Variants in CEP126 observed in about 807,000 individuals in gnomAD.
CEP126 encodes the protein centrosomal protein of 126 kDa.
In CEP126, 74 loss-of-function variants were observed where a neutral mutation model predicts 107.8. The ratio of observed to expected loss-of-function variants is 0.69; its 90% confidence interval spans 0.57 to 0.83. The LOEUF (loss-of-function observed/expected upper bound fraction) is 0.83, where lower values mean the gene tolerates loss of function less well. Ranked by LOEUF, CEP126 falls within the 40% of genes least tolerant of loss-of-function variation. The probability of loss-of-function intolerance (pLI) is 0.00; values close to 1 mark genes in which losing one functional copy is unlikely to be tolerated. For synonymous variants in CEP126, 449 were observed against 446.0 expected, an observed-to-expected ratio of 1.01 and a Z score of -0.08; for missense variants, 1,237 against 1,281.9, an observed-to-expected ratio of 0.96 and a Z score of 0.53.
intron 6 of CEP126, among the ~76,000 whole-genome samples, chr11:101,965,305 GTTTAAAA>G (rs1056207836): frequency 2.4e-4 from 36 of 152,244 alleles, no homozygotes; most frequent in Non-Finnish European, 5.1e-4. Flanking sequence ...TATAATGAGA[GTTTAAAA>G]TTTAATATTC....
chr11:101,918,139 A>G (rs1198684117), intron 1 of CEP126, among the ~76,000 whole-genome samples: 1 of 151,950 alleles, frequency 6.6e-6, no homozygotes, highest in Admixed American at 6.6e-5. Context: ...TCTTACTTTT[A>G]CTATAGAAAG....
At chr11:101,953,992 A>G (rs1389013533) in intron 4 of CEP126, among the ~76,000 whole-genome samples, 1 of 150,792 alleles carries the variant, frequency 6.6e-6, no homozygotes, top group Non-Finnish European at 1.5e-5. Flanking sequence ...CAGTTGTTAT[A>G]CTTTATGTTA....
At chr11:101,967,665 T>G (rs2137116826) in intron 6 of CEP126, among the ~76,000 whole-genome samples, 1 of 152,318 alleles carries the variant, frequency 6.6e-6, no homozygotes, top group East Asian at 1.9e-4. Flanking sequence ...CTCATTTTTC[T>G]CAAACCTACA....
At chr11:101,936,089 G>C (rs1940574581) in intron 2 of CEP126, among the ~76,000 whole-genome samples, 1 of 152,062 alleles carries the variant, frequency 6.6e-6, no homozygotes, top group Non-Finnish European at 1.5e-5. Flanking sequence ...TGGTGAATTT[G>C]TATATCAATT....
intron 6 of CEP126, among the ~76,000 whole-genome samples, chr11:101,969,510 T>C (rs1054517876): frequency 2.6e-5 from 4 of 152,176 alleles, no homozygotes; most frequent in African/African-American, 7.2e-5. Context: ...AGATATGCCA[T>C]GTTCATGGAT....
At chr11:101,916,374 G>C (rs1940213129) in intron 1 of CEP126, 1 of 152,202 alleles carries the variant, frequency 6.6e-6, no homozygotes, top group Non-Finnish European at 1.5e-5. Flanking sequence ...ATCTAGTGAG[G>C]AAGACAAATG....
At chr11:101,970,842 C>T (rs770670967) in intron 6 of CEP126, among the ~76,000 whole-genome samples, 19 of 152,074 alleles carry the variant, frequency 1.2e-4, no homozygotes, top group Non-Finnish European at 2.5e-4. Context: ...TATTCTTACG[C>T]CCATTTTATA....
At chr11:101,956,110 AC>A in intron 4 of CEP126, 1 of 456,352 alleles carries the variant, frequency 2.2e-6, no homozygotes, top group Non-Finnish European at 4.4e-6. Context: ...CTGGCCATCC[AC>A]CCCACGCACC....
chr11:101,923,164 A>T (rs1444188193), intron 2 of CEP126, among the ~76,000 whole-genome samples: 2 of 152,134 alleles, frequency 1.3e-5, no homozygotes, highest in African/African-American at 2.4e-5. Context: ...ATTTTTCTAT[A>T]TCTGCCACTT....
chr11:101,925,264 A>G (rs1409650285), intron 2 of CEP126, among the ~76,000 whole-genome samples: 1 of 152,192 alleles, frequency 6.6e-6, no homozygotes, highest in Non-Finnish European at 1.5e-5. Flanking sequence ...TTGTAGACCA[A>G]GGAATTTTGA....
At chr11:101,945,602 C>T (rs1002503767) in intron 3 of CEP126, among the ~76,000 whole-genome samples, 1 of 152,136 alleles carries the variant, frequency 6.6e-6, no homozygotes, top group Non-Finnish European at 1.5e-5. Flanking sequence ...TATAATACGA[C>T]GTCCTGTGGT....
chr11:101,986,771 T>C, intron 8 of CEP126, 61 bp from the exon 9 acceptor site: 1 of 1,218,294 alleles, frequency 8.2e-7, no homozygotes, highest in Non-Finnish European at 1.2e-6. Context: ...TGTAAGTATA[T>C]ATAAGGGCTG....
chr11:101,915,193 T>G lies in CEP126; in HGVS notation c.-92T>G. On this transcript the variant is annotated 5_prime_UTR_variant, in exon 1 of 11. Transcript: ENST00000263468. ...GTGACGCGGGGCCTGAGAGACGGAGTGTAGGGAGGGGCCGAGCAGGAGGAG... is the reference window on the plus strand; with the variant it reads ...GTGACGCGGGGCCTGAGAGACGGAGGGTAGGGAGGGGCCGAGCAGGAGGAG... 2 of 1,549,798 alleles carry G rather than the reference T, an allele frequency of 1.3e-6. No individual in the cohort carries two copies. Among genetic ancestry groups the G allele is most frequent in the Non-Finnish European group, 1.8e-6 (2 of 1,140,946 alleles).
intron 1 of CEP126, among the ~76,000 whole-genome samples, chr11:101,917,597 G>A (rs1196346327): frequency 7.0e-5 from 10 of 142,184 alleles, no homozygotes; most frequent in Non-Finnish European, 1.4e-4. Flanking sequence ...AAATAGAAAT[G>A]GAATTTAAAA....
At chr11:101,959,541 G>A (rs1038395950) in intron 5 of CEP126, among the ~76,000 whole-genome samples, 1 of 152,110 alleles carries the variant, frequency 6.6e-6, no homozygotes, top group Non-Finnish European at 1.5e-5. Context: ...TACTAGACAT[G>A]TGAAGAATCA....
chr11:101,938,159 C>CAAAAAAAAAAAAAAAAAAAAA (rs1491167740), intron 2 of CEP126, among the ~76,000 whole-genome samples: 3 of 39,258 alleles, frequency 7.6e-5, no homozygotes, highest in African/African-American at 1.8e-4. Context: ...GACTCTGTCT[C>CAAAAAAAAAAAAAAAAAAAAA]AAAAAAAAAA....
intron 2 of CEP126, among the ~76,000 whole-genome samples, chr11:101,935,069 T>C (rs770804608): frequency 3.6e-4 from 54 of 152,108 alleles, no homozygotes; most frequent in Non-Finnish European, 5.9e-5. Flanking sequence ...TCAGCCTTTT[T>C]AATTTTAGCT....
chr11:101,992,910 C>T (rs2137136757), intron 10 of CEP126, 68 bp downstream of exon 10: 2 of 1,327,334 alleles, frequency 1.5e-6, no homozygotes, highest in Non-Finnish European at 9.8e-7. Flanking sequence ...CACATCAATA[C>T]AGGTAAGAAC....
chr11:101,953,388 AAGG>A (rs1940838791), intron 4 of CEP126, among the ~76,000 whole-genome samples: 1 of 152,058 alleles, frequency 6.6e-6, no homozygotes, highest in African/African-American at 2.4e-5. Context: ...GTCCATAGAG[AAGG>A]AGAAGATTTT....
Sources: gnomAD v4.1 joint callset for allele counts (sites outside exome capture counted in the v4.1 genomes callset) on GRCh38, gnomAD v4.1.1 for gene constraint, MANE v1.5 for transcripts, NCBI Gene and HGNC (gene_info 2026-07-23, HGNC 2026-07-21) for gene names.